SPART: variants seen among roughly 807,000 people sequenced by gnomAD.
SPART encodes spastic paraplegia 20 (Troyer syndrome).
In SPART, 35 loss-of-function variants were observed where a neutral mutation model predicts 58.7. The observed-to-expected ratio is 0.60, with a 90% confidence interval of 0.46 to 0.79. The LOEUF is 0.79. SPART is among the 30% of genes least tolerant of loss of function. The probability of loss-of-function intolerance (pLI) is 0.00; values close to 1 mark genes in which losing one functional copy is unlikely to be tolerated. For missense variants in SPART, 730 were observed against 786.1 expected (o/e 0.93, Z 0.85); for synonymous variants, 284 against 280.7 (o/e 1.01, Z -0.12).
chr13:36,360,798 A>G (rs1593295235), intron 1 of SPART: 1 of 152,630 alleles, frequency 6.6e-6, no homozygotes, highest in South Asian at 2.1e-4. Flanking sequence ...TTTCACATCA[A>G]TATTTATATT....
chr13:36,335,801 AG>A lies in SPART; in HGVS notation c.29del (p.Pro10LeufsTer22). On this transcript the variant is annotated frameshift_variant, in exon 2 of 9. Transcript: ENST00000438666. LOFTEE classifies it high-confidence loss of function. MEQEPQNGEPAEIKIIREAY... is the reference protein window; with the variant it reads MEQEPQNGEXAEIKIIREAY... The stretch of plus-strand genomic sequence containing the variant: ...CTTCTCTGATGATCTTAATTTCAGC[AG>A]GTTCTCCATTTTGTGGCTCTTGCTC... 2 of 1,613,182 alleles carry A rather than the reference AG, an allele frequency of 1.2e-6. No homozygotes were observed. Among genetic ancestry groups the A allele is most frequent in the Non-Finnish European group, 1.7e-6 (2 of 1,180,004 alleles).
chr13:36,338,092 A>G (rs555538657), intron 1 of SPART, among the ~76,000 whole-genome samples: 27 of 152,288 alleles, frequency 1.8e-4, no homozygotes, highest in African/African-American at 6.3e-4. Flanking sequence ...ATTGAAAGCA[A>G]TTGGGTGCCA....
chr13:36,366,513 A>G (rs1044371659), intron 1 of SPART, among the ~76,000 whole-genome samples: 1 of 152,172 alleles, frequency 6.6e-6, no homozygotes, highest in African/African-American at 2.4e-5. Flanking sequence ...AATCAATCAA[A>G]TATTTGCACA....
chr13:36,326,525 T>A (rs1882948723), intron 5 of SPART, 50 bp downstream of exon 5: 1 of 1,607,538 alleles, frequency 6.2e-7, no homozygotes, highest in South Asian at 1.1e-5. Flanking sequence ...TTTATTTGGT[T>A]CCAAAGGCTT....
intron 1 of SPART, chr13:36,360,887 T>A (rs974122782): frequency 6.6e-6 from 1 of 152,580 alleles, no homozygotes; most frequent in Non-Finnish European, 1.5e-5. Context: ...AATACCTCCA[T>A]AGACAAAGAA....
chr13:36,317,755 A>C (rs1043060150), intron 5 of SPART, among the ~76,000 whole-genome samples: 2 of 151,872 alleles, frequency 1.3e-5, no homozygotes, highest in Admixed American at 1.3e-4. Context: ...GTTCTCAAAA[A>C]CTTAAAACCT....
At position 36,301,850 on chromosome 13, in the gene SPART, C is replaced by T. The variant is rs578164230; in HGVS notation, c.*2515G>A. The T allele has an allele frequency of 1.1e-4, 16 of 152,054 alleles. No homozygotes were observed. The highest frequency in any genetic ancestry group is 3.9e-4 in the African/African-American group (16 of 41,460). The allele number at this position is 152,054 out of a possible 1,614,324, so 9.4% of individuals were successfully genotyped here. A position where few individuals can be genotyped will look rare whatever the true frequency, so the allele number is the denominator to read the frequency against. On this transcript the variant is annotated 3_prime_UTR_variant, in exon 9 of 9. Transcript: ENST00000438666. ...GATGTTTTGAGTGTACTGTTTCTAC[C>T]AACAAAAACTAAAAACAAATGTCAA...
At chr13:36,367,094 C>CA (rs1566152484) in intron 1 of SPART, among the ~76,000 whole-genome samples, 1 of 152,160 alleles carries the variant, frequency 6.6e-6, no homozygotes, top group Non-Finnish European at 1.5e-5. Flanking sequence ...ATCTCCACAG[C>CA]AGGGAGCGTT....
upstream of SPART, among the ~76,000 whole-genome samples, chr13:36,348,871 A>G (rs1376100421): frequency 6.6e-6 from 1 of 152,174 alleles, no homozygotes; most frequent in Non-Finnish European, 1.5e-5. Flanking sequence ...ATCCAGGGAA[A>G]TATAAGGACC....
At chr13:36,333,948 T>A (rs1193646507) in intron 2 of SPART, among the ~76,000 whole-genome samples, 1 of 152,052 alleles carries the variant, frequency 6.6e-6, no homozygotes, top group Admixed American at 6.6e-5. Flanking sequence ...CCCTCACACA[T>A]CCCTAGCAAG....
intron 8 of SPART, among the ~76,000 whole-genome samples, chr13:36,306,758 AC>A (rs1880545381): frequency 6.6e-6 from 1 of 151,544 alleles, no homozygotes; most frequent in Admixed American, 6.6e-5. Context: ...GGAAAAAAAA[AC>A]AGAATATTCA....
upstream of SPART, chr13:36,346,493 C>A: frequency 6.5e-6 from 1 of 152,980 alleles, no homozygotes; most frequent in South Asian, 2.0e-4. Flanking sequence ...ACGCCGCCGC[C>A]GCAGCCTAGG....
At chr13:36,344,122 CTA>C (rs1884831806) in intron 1 of SPART, among the ~76,000 whole-genome samples, 1 of 151,606 alleles carries the variant, frequency 6.6e-6, no homozygotes, top group African/African-American at 2.4e-5. Flanking sequence ...AAAAGTCCTA[CTA>C]TGTTTACAAG....
chr13:36,356,382 T>C (rs1162095008), intron 1 of SPART, among the ~76,000 whole-genome samples: 1 of 152,170 alleles, frequency 6.6e-6, no homozygotes, highest in East Asian at 1.9e-4. Context: ...TGGGTCAGGG[T>C]CTGTGGGACA....
rs368139165 is a variant in SPART, at chr13:36,312,525, C to G, written c.1484-48G>C. 2.7e-5 allele frequency: 43 copies of G among 1,565,232 alleles called. 1 individual carries two copies. Among genetic ancestry groups the G allele is most frequent in the Non-Finnish European group, 3.6e-5 (41 of 1,138,150 alleles). On this transcript the variant is annotated intron_variant, in intron 6 of 8. Coordinates refer to ENST00000438666, the MANE Select transcript of SPART (RefSeq NM_015087.5). ...AAACTTAGGAAAAATATATTATTCC[C>G]TTGATTTTTACCACTCATCTTGCAA...
In SPART at chr13:36,329,471, C is replaced by G; in HGVS notation, c.1055G>C (p.Gly352Ala). The G allele has an allele frequency of 6.8e-6, 11 of 1,614,102 alleles. No individual in the cohort carries two copies. In the African/African-American group the frequency reaches 8.0e-5, roughly 12 times the overall value. Residue 352 changes from glycine (G) to alanine (A), a missense_variant, in exon 4 of 9, where the codon GGA (glycine) becomes GCA (alanine). Physicochemically the swap from Gly to Ala is moderately conservative, Grantham distance 60. Transcript: ENST00000438666. ...AEEENEFQIP[G>A]RTRPSSDQLK... ...TTGGTCAGAGGAGGGTCTAGTTCTT[C>G]CAGGGATTTGGAATTCATTTTCTTC... is the stretch of plus-strand genomic sequence containing the variant.
At chr13:36,338,427 G>A (rs978876876) in intron 1 of SPART, among the ~76,000 whole-genome samples, 4 of 152,006 alleles carry the variant, frequency 2.6e-5, no homozygotes, top group African/African-American at 9.7e-5. Context: ...CTGCACTTAC[G>A]TCACATCAAG....
chr13:36,312,306 G>T lies in SPART; in HGVS notation c.1642+13C>A. The T allele has an allele frequency of 6.2e-7, 1 of 1,613,896 alleles. No individual in the cohort carries two copies. The highest frequency in any genetic ancestry group is 1.1e-5 in the South Asian group (1 of 91,064). ...ACGGACCTTCATAGTTAAAATTCTGGGCCCTTTGTTACCTTGAACACTACT... is the reference window on the plus strand; with the variant it reads ...ACGGACCTTCATAGTTAAAATTCTGTGCCCTTTGTTACCTTGAACACTACT... On this transcript the variant is annotated intron_variant, in intron 7 of 8. Transcript: ENST00000438666.
intron 8 of SPART, among the ~76,000 whole-genome samples, chr13:36,305,477 C>T (rs1000095221): frequency 2.0e-5 from 3 of 152,094 alleles, no homozygotes; most frequent in Non-Finnish European, 4.4e-5. Context: ...TGTCCTTTAA[C>T]ATATCCTAAA....
Sources: gnomAD v4.1 joint callset for allele counts (sites outside exome capture counted in the v4.1 genomes callset) on GRCh38, gnomAD v4.1.1 for gene constraint, MANE v1.5 for transcripts, NCBI Gene and HGNC (gene_info 2026-07-23, HGNC 2026-07-21) for gene names.